NCKAP1L: variants seen among roughly 807,000 people sequenced by gnomAD.
The protein encoded by NCKAP1L is nck-associated protein 1-like.
NCKAP1L carries 53 observed loss-of-function variants against 139.2 expected under a neutral mutation model. That is an observed-to-expected ratio of 0.38 (90% confidence interval 0.31 to 0.48). The LOEUF (loss-of-function observed/expected upper bound fraction) is 0.48, where lower values mean the gene tolerates loss of function less well. NCKAP1L is among the 20% of genes least tolerant of loss of function. The probability of loss-of-function intolerance (pLI) is 0.98; values close to 1 mark genes in which losing one functional copy is unlikely to be tolerated. For synonymous variants in NCKAP1L, 468 were observed against 499.7 expected (o/e 0.94, Z 0.85); for missense variants, 1,151 against 1,381.9 (o/e 0.83, Z 2.65).
intron 3 of NCKAP1L, among the ~76,000 whole-genome samples, chr12:54,503,108 T>C (rs1312686634): frequency 6.6e-6 from 1 of 152,084 alleles, no homozygotes; most frequent in African/African-American, 2.4e-5. Flanking sequence ...TAGTTATGTC[T>C]CCTTCATCTT....
chr12:54,521,284 A>G, intron 18 of NCKAP1L, 46 bp downstream of exon 18: 1 of 1,606,204 alleles, frequency 6.2e-7, no homozygotes, highest in Non-Finnish European at 8.5e-7. Flanking sequence ...GCCAGCGCTC[A>G]GTGCCTTCCC....
chr12:54,539,014 A>G (rs71455280), intron 30 of NCKAP1L, 41 bp downstream of exon 30: 1 of 1,561,368 alleles, frequency 6.4e-7, no homozygotes. Flanking sequence ...TAGGGAATGG[A>G]AGGGCCAGAG....
intron 9 of NCKAP1L, among the ~76,000 whole-genome samples, chr12:54,513,883 A>G (rs750391913): frequency 6.6e-6 from 1 of 152,208 alleles, no homozygotes; most frequent in Non-Finnish European, 1.5e-5. Context: ...CTGGTTGCAA[A>G]TAAAACATCC....
intron 26 of NCKAP1L, 33 bp downstream of exon 26, chr12:54,532,283 G>C: frequency 6.4e-7 from 1 of 1,560,694 alleles, no homozygotes; most frequent in Non-Finnish European, 8.8e-7. Flanking sequence ...ATCTAATTAG[G>C]AGACTTTTGT....
At position 54,517,442 on chromosome 12, in the gene NCKAP1L, A is replaced by G. The variant is rs566757883; in HGVS notation, c.1096-91A>G. 5.9e-6 allele frequency: 5 copies of G among 851,666 alleles called. No homozygotes were observed. In the East Asian group the frequency reaches 1.2e-4, roughly 21 times the overall value. 52.8% of individuals were successfully genotyped at this position (851,666 alleles called of 1,614,324 possible). ...CACACTGTTGTGGCTACACAATTACATCCATACCTATATTATCATGGTAGT... is the reference window on the plus strand; with the variant it reads ...CACACTGTTGTGGCTACACAATTACGTCCATACCTATATTATCATGGTAGT... On this transcript the variant is annotated intron_variant, in intron 11 of 30. Transcript: ENST00000293373.
chr12:54,512,995 T>C (rs1956900774), intron 9 of NCKAP1L, among the ~76,000 whole-genome samples: 1 of 152,066 alleles, frequency 6.6e-6, no homozygotes, highest in Non-Finnish European at 1.5e-5. Context: ...GAGGATGAAT[T>C]TGGAGAGGTA....
intron 13 of NCKAP1L, among the ~76,000 whole-genome samples, chr12:54,518,255 C>A (rs575258774): frequency 3.3e-5 from 5 of 151,716 alleles, no homozygotes; most frequent in African/African-American, 1.2e-4. Flanking sequence ...GGCAGGAGAA[C>A]GGCGTGAACC....
At chr12:54,506,601 TA>T (rs201485700) in intron 3 of NCKAP1L, among the ~76,000 whole-genome samples, 2,914 of 144,148 alleles carry the variant, frequency 0.02, 70 homozygotes, top group African/African-American at 0.05. Flanking sequence ...TAATTTTTTT[TA>T]TTTTTATTTT....
chr12:54,536,849 T>C, intron 28 of NCKAP1L, 95 bp from the exon 29 acceptor site: 1 of 799,930 alleles, frequency 1.3e-6, no homozygotes, highest in Non-Finnish European at 2.1e-6. Context: ...TGGCTCAGCC[T>C]GAAAACATGA....
chr12:54,508,630 A>G (rs1388155605), intron 5 of NCKAP1L, 99 bp downstream of exon 5: 4 of 1,244,226 alleles, frequency 3.2e-6, no homozygotes, highest in Non-Finnish European at 4.5e-6. Context: ...GATTTCTTAT[A>G]TGAGAACCTA....
At chr12:54,531,177 A>G (rs1957065788) in intron 22 of NCKAP1L, 83 bp from the exon 23 acceptor site, 2 of 1,064,198 alleles carry the variant, frequency 1.9e-6, no homozygotes, top group African/African-American at 3.2e-5. Context: ...AACATTTTAA[A>G]TATTCAAATT....
At chr12:54,518,499 A>C (rs1956952470) in intron 13 of NCKAP1L, 152 bp from the exon 14 acceptor site, 1 of 717,314 alleles carries the variant, frequency 1.4e-6, no homozygotes, top group South Asian at 1.5e-5. Context: ...GGGAACCCGG[A>C]AAGTTTCCTT....
At chr12:54,506,796 A>AAAAAAAATATATATATATATATAT in intron 3 of NCKAP1L, among the ~76,000 whole-genome samples, 13 of 50,602 alleles carry the variant, frequency 2.6e-4, no homozygotes, top group African/African-American at 4.4e-4. Flanking sequence ...AAAAAAAAAA[A>AAAAAAAATATATATATATATATAT]ATATATATAT....
In NCKAP1L at chr12:54,510,484, G is replaced by A. The variant is rs562388304; in HGVS notation, c.735+499G>A. 5.8e-5 allele frequency: 12 copies of A among 205,730 alleles called. No homozygotes were observed. The East Asian group carries it at 1.8e-3, about 31-fold the overall frequency. 12.7% of individuals were successfully genotyped at this position (205,730 alleles called of 1,614,324 possible). On this transcript the variant is annotated intron_variant, in intron 7 of 30. Coordinates refer to ENST00000293373, the MANE Select transcript of NCKAP1L (RefSeq NM_005337.5). ...GACTACAGGTGTGTGTGCCACCATG[G>A]TTGACTAATTTTGTTTATTTTATTT...
At chr12:54,536,285 G>A (rs766117982) in intron 28 of NCKAP1L, 40 bp downstream of exon 28, 3 of 1,359,860 alleles carry the variant, frequency 2.2e-6, no homozygotes, top group Non-Finnish European at 3.2e-6. Flanking sequence ...TGCTATTCAA[G>A]TTAGTGTCCT....
rs1169538286 is a variant in NCKAP1L at position 54,543,707 on chromosome 12, A to G, written c.*1022A>G. 6.6e-6 allele frequency: 1 copy of G among 152,154 alleles called. No individual in the cohort carries two copies. Among genetic ancestry groups the G allele is most frequent in the African/African-American group, 2.4e-5 (1 of 41,416 alleles). The allele number at this position is 152,154 out of a possible 1,614,324, so 9.4% of individuals were successfully genotyped here. On this transcript the variant is annotated 3_prime_UTR_variant, in exon 31 of 31. Coordinates refer to ENST00000293373, the MANE Select transcript of NCKAP1L (RefSeq NM_005337.5). ...TTCAACTTAGCCCTTTTCTGCGCTAATTAGAATTTCAAGCGTCACAGAGCC... is the reference window on the plus strand; with the variant it reads ...TTCAACTTAGCCCTTTTCTGCGCTAGTTAGAATTTCAAGCGTCACAGAGCC...
In NCKAP1L at chr12:54,532,168, A is replaced by G; in HGVS notation, c.2782-2A>G. On this transcript the variant is annotated splice_acceptor_variant, in intron 25 of 30. Coordinates refer to ENST00000293373, the MANE Select transcript of NCKAP1L (RefSeq NM_005337.5). LOFTEE classifies it high-confidence loss of function. Reference sequence around the variant, plus strand: ...GACTCATTTATCTTCTCTTTCCTCCAGGTTTTCTCCTCCCACTGCCCATTT... The same window carrying G: ...GACTCATTTATCTTCTCTTTCCTCCGGGTTTTCTCCTCCCACTGCCCATTT... The G allele has an allele frequency of 6.2e-7, 1 of 1,609,868 alleles. No individual in the cohort carries two copies. Among genetic ancestry groups the G allele is most frequent in the Non-Finnish European group, 8.5e-7 (1 of 1,177,962 alleles).
intron 20 of NCKAP1L, 55 bp downstream of exon 20, chr12:54,524,011 T>G: frequency 6.4e-7 from 1 of 1,557,822 alleles, no homozygotes; most frequent in Non-Finnish European, 8.7e-7. Flanking sequence ...CCCTACCATA[T>G]ACCTCTATGT....
chr12:54,513,226 G>A (rs543333337), intron 9 of NCKAP1L, among the ~76,000 whole-genome samples: 11 of 152,204 alleles, frequency 7.2e-5, no homozygotes, highest in Non-Finnish European at 1.5e-4. Flanking sequence ...GGTTTCTGGC[G>A]TGGATATCTG....
Sources: allele counts gnomAD v4.1 joint callset (sites outside exome capture counted in the v4.1 genomes callset), GRCh38; gene constraint gnomAD v4.1.1; transcripts MANE v1.5; gene names NCBI Gene and HGNC (gene_info 2026-07-23, HGNC 2026-07-21).